ATXN7: variants seen among roughly 807,000 people sequenced by gnomAD.
ATXN7 encodes the protein ataxin-7.
In ATXN7, 12 loss-of-function variants were observed where a neutral mutation model predicts 70.5. The observed-to-expected ratio is 0.17, with a 90% CI of 0.11 to 0.28. ATXN7 has a LOEUF of 0.28. ATXN7 is among the 10% of genes least tolerant of loss of function. The probability of loss-of-function intolerance (pLI) is 1.00; values close to 1 mark genes in which losing one functional copy is unlikely to be tolerated. For synonymous variants in ATXN7, 498 were observed against 448.7 expected, an observed-to-expected ratio of 1.11 and a Z score of -1.39; for missense variants, 1,256 against 1,131.7, an observed-to-expected ratio of 1.11 and a Z score of -1.58.
chr3:63,968,910 C>T (rs959537644), intron 5 of ATXN7, among the ~76,000 whole-genome samples: 1 of 152,156 alleles, frequency 6.6e-6, no homozygotes, highest in Non-Finnish European at 1.5e-5. Context: ...TTGAGCTCCC[C>T]AGTTGTAGGA....
chr3:63,871,344 A>T (rs1702585737), intron 1 of ATXN7, among the ~76,000 whole-genome samples: 1 of 152,186 alleles, frequency 6.6e-6, no homozygotes, highest in Admixed American at 6.5e-5. Flanking sequence ...ATGTGTTCTT[A>T]CTTTTAGCAT....
chr3:63,875,887 G>A (rs899273247), intron 1 of ATXN7, among the ~76,000 whole-genome samples: 1 of 152,174 alleles, frequency 6.6e-6, no homozygotes, highest in Non-Finnish European at 1.5e-5. Flanking sequence ...AAACTTGTCT[G>A]TGGTGGTAAT....
intron 5 of ATXN7, among the ~76,000 whole-genome samples, chr3:63,979,204 C>T (rs866015100): frequency 6.6e-6 from 1 of 152,192 alleles, no homozygotes. Flanking sequence ...CCATGAATTA[C>T]TTCCTGGTTT....
chr3:63,904,366 G>GC lies in ATXN7; in HGVS notation c.-12+5877dup, dbSNP rs1278875495. Reference sequence around the variant, plus strand: ...GTGGCACAATCTTGGCTCACCACAAGCCCCCCCCACTCCCCCGCCAGGTTC... The same window carrying GC: ...GTGGCACAATCTTGGCTCACCACAAGCCCCCCCCCACTCCCCCGCCAGGTTC... On this transcript the variant is annotated intron_variant, in intron 2 of 12. Transcript: ENST00000674280. 2.9e-3 allele frequency: 437 copies of GC among 148,498 alleles called. 2 individuals carry two copies. Among genetic ancestry groups the GC allele is most frequent in the African/African-American group, 9.0e-3 (359 of 40,082 alleles). The allele number at this position is 148,498 out of a possible 1,614,324, so 9.2% of individuals were successfully genotyped here.
chr3:63,891,126 C>T (rs1255486591), intron 1 of ATXN7, among the ~76,000 whole-genome samples: 2 of 152,096 alleles, frequency 1.3e-5, no homozygotes, highest in African/African-American at 4.8e-5. Flanking sequence ...TCTTGTGCCT[C>T]AGCCTCCTGA....
chr3:63,983,380 C>T (rs976989326), intron 8 of ATXN7, among the ~76,000 whole-genome samples: 1 of 152,150 alleles, frequency 6.6e-6, no homozygotes, highest in East Asian at 1.9e-4. Context: ...AGAAATTTCC[C>T]TTGCGTGTGT....
At chr3:63,975,898 G>C (rs1343159312) in intron 5 of ATXN7, among the ~76,000 whole-genome samples, 1 of 152,094 alleles carries the variant, frequency 6.6e-6, no homozygotes, top group East Asian at 1.9e-4. Flanking sequence ...GTCTTTCTTT[G>C]TCTCTGCTCT....
Position 63,996,048 on chromosome 3 carries a change from T to G in ATXN7, c.2226T>G (p.Ser742=). The part of the protein sequence containing the change: ...ESFRKNCVAH[S]GPPYPSTVTS... ...TTAGGAAAAACTGTGTGGCTCACTC[T>G]GGGCCTCCCTACCCCTCAACGGTAA... Residue 742 remains serine (S), a synonymous_variant, in exon 12 of 13, where the codon TCT becomes TCG. Transcript: ENST00000674280. 6.2e-7 allele frequency: 1 copy of G among 1,614,218 alleles called. No individual in the cohort carries two copies. The highest frequency in any genetic ancestry group is 8.5e-7 in the Non-Finnish European group (1 of 1,180,040).
At chr3:63,950,598 G>T (rs2074937079) in intron 4 of ATXN7, among the ~76,000 whole-genome samples, 1 of 152,134 alleles carries the variant, frequency 6.6e-6, no homozygotes, top group Non-Finnish European at 1.5e-5. Flanking sequence ...GAAGCATATG[G>T]AACTTACGGT....
intron 4 of ATXN7, among the ~76,000 whole-genome samples, chr3:63,951,976 T>C (rs972139492): frequency 3.9e-5 from 6 of 152,180 alleles, no homozygotes; most frequent in Non-Finnish European, 5.9e-5. Flanking sequence ...AATTGTTCCA[T>C]AGAACTCAGG....
chr3:63,977,189 C>T (rs186693908), intron 5 of ATXN7, among the ~76,000 whole-genome samples: 2 of 152,126 alleles, frequency 1.3e-5, no homozygotes, highest in African/African-American at 4.8e-5. Flanking sequence ...GTATTTCTTA[C>T]AGACAAAAAT....
Position 63,994,977 on chromosome 3 carries a change from T to C in ATXN7, c.1683-528T>C, listed in dbSNP as rs528723665. ...ATTCCCTTGTTCAGGCCAATAGTTATGACCTAGCAGTTGCTGTTAATTAGC... is the reference window on the plus strand; with the variant it reads ...ATTCCCTTGTTCAGGCCAATAGTTACGACCTAGCAGTTGCTGTTAATTAGC... On this transcript the variant is annotated intron_variant, in intron 11 of 12. Transcript: ENST00000674280. Among the ~76,000 whole-genome samples the C allele has an allele frequency of 4.6e-5, 7 of 152,366 alleles. No homozygotes were observed. The East Asian group carries it at 5.8e-4, about 13-fold the overall frequency.
intron 4 of ATXN7, among the ~76,000 whole-genome samples, chr3:63,916,154 A>G (rs1704258452): frequency 6.6e-6 from 1 of 152,198 alleles, no homozygotes; most frequent in Admixed American, 6.5e-5. Flanking sequence ...GGAAGATAAT[A>G]CTACCTACTT....
At chr3:63,880,658 C>G (rs1275130299) in intron 1 of ATXN7, among the ~76,000 whole-genome samples, 1 of 151,874 alleles carries the variant, frequency 6.6e-6, no homozygotes, top group Non-Finnish European at 1.5e-5. Context: ...TTGCTGCCAC[C>G]CTCATCTCCC....
intron 2 of ATXN7, chr3:63,900,651 G>A (rs1703601644): frequency 6.6e-6 from 1 of 152,348 alleles, no homozygotes; most frequent in African/African-American, 2.4e-5. Flanking sequence ...AACATGTTTG[G>A]CAGAATGCCA....
chr3:63,929,273 T>C (rs1055482414), intron 4 of ATXN7, among the ~76,000 whole-genome samples: 29 of 150,000 alleles, frequency 1.9e-4, no homozygotes, highest in African/African-American at 6.1e-4. Context: ...CTCTCTCTTT[T>C]TTTTTTTTTT....
intron 10 of ATXN7, 59 bp downstream of exon 10, chr3:63,990,433 C>T (rs1284463740): frequency 6.3e-7 from 1 of 1,586,090 alleles, no homozygotes; most frequent in Non-Finnish European, 8.6e-7. Flanking sequence ...CAGGGCACTG[C>T]AGGGGGGCGC....
At chr3:63,894,322 T>G (rs1218692116) in intron 1 of ATXN7, among the ~76,000 whole-genome samples, 1 of 152,172 alleles carries the variant, frequency 6.6e-6, no homozygotes, top group African/African-American at 2.4e-5. Flanking sequence ...TTTTAAATAT[T>G]AACAACAAAG....
chr3:63,883,833 G>A (rs1403496287), intron 1 of ATXN7, among the ~76,000 whole-genome samples: 2 of 151,860 alleles, frequency 1.3e-5, no homozygotes, highest in Admixed American at 1.3e-4. Context: ...ATTTCTTCTT[G>A]TTTCCCCCAA....
Sources: allele counts gnomAD v4.1 joint callset (sites outside exome capture counted in the v4.1 genomes callset), GRCh38; gene constraint gnomAD v4.1.1; transcripts MANE v1.5; gene names NCBI Gene and HGNC (gene_info 2026-07-23, HGNC 2026-07-21).